Variants in GUCY1A1 observed in about 807,000 individuals in gnomAD.
The protein encoded by GUCY1A1 is guanylate cyclase 1 soluble subunit alpha 1, also known as guanylate cyclase soluble subunit alpha-1.
GUCY1A1 carries 48 observed loss-of-function variants against 64.5 expected under a neutral mutation model. The ratio of observed to expected loss-of-function variants is 0.74; its 90% CI spans 0.59 to 0.95. The LOEUF (loss-of-function observed/expected upper bound fraction) is 0.95. Ranked by LOEUF, GUCY1A1 falls within the 40% of genes least tolerant of loss-of-function variation. GUCY1A1 has a pLI of 0.00. For synonymous variants in GUCY1A1, 308 were observed against 303.4 expected (o/e 1.02, Z -0.16); for missense variants, 804 against 825.3 (o/e 0.97, Z 0.32).
At chr4:155,696,691 T>G (rs1224651046) in intron 2 of GUCY1A1, 65 bp from the exon 3 acceptor site, 3 of 535,354 alleles carry the variant, frequency 5.6e-6, no homozygotes, top group Admixed American at 6.9e-5. Context: ...CTCACCTGTC[T>G]TTTTCTGTTT....
chr4:155,713,598 G>A lies in GUCY1A1; in HGVS notation c.1572+15G>A. ...ATGTCTACAAGGTAGGAGTGGACCA[G>A]GGAAATAATTGTTTTACCAGCAAAC... is the stretch of plus-strand genomic sequence containing the variant. On this transcript the variant is annotated intron_variant, in intron 7 of 9. Coordinates refer to ENST00000506455, the MANE Select transcript of GUCY1A1 (RefSeq NM_001130682.3). 1 of 1,604,414 alleles carries A rather than the reference G, an allele frequency of 6.2e-7. No individual in the cohort carries two copies. Among genetic ancestry groups the A allele is most frequent in the East Asian group, 2.2e-5 (1 of 44,578 alleles).
rs142097871 is a variant in GUCY1A1 at position 155,708,267 on chromosome 4, A to C, written c.349A>C (p.Thr117Pro). Residue 117 changes from threonine (T) to proline (P), a missense_variant, in exon 5 of 10, where the codon ACA becomes CCA. Coordinates refer to ENST00000506455, the MANE Select transcript of GUCY1A1 (RefSeq NM_001130682.3). ...TTTGGAAAGAGAAGACTTTGAAAAA[A>C]CAATTGCAGAGCAAGCAGTTGCAGC... ...KSLEREDFEKTIAEQAVAAGV... is the reference protein window; with the variant it reads ...KSLEREDFEKPIAEQAVAAGV... 6.4e-7 allele frequency: 1 copy of C among 1,556,976 alleles called. No individual in the cohort carries two copies. Among genetic ancestry groups the C allele is most frequent in the Non-Finnish European group, 8.9e-7 (1 of 1,128,832 alleles).
intron 2 of GUCY1A1, among the ~76,000 whole-genome samples, chr4:155,681,761 C>A (rs1477411438): frequency 6.6e-6 from 1 of 152,166 alleles, no homozygotes; most frequent in African/African-American, 2.4e-5. Context: ...ATATATGTAG[C>A]CTCTTGATCT....
intron 5 of GUCY1A1, among the ~76,000 whole-genome samples, chr4:155,709,747 C>A (rs963944437): frequency 4.6e-5 from 7 of 151,980 alleles, no homozygotes; most frequent in African/African-American, 1.7e-4. Flanking sequence ...GCATAAGAAT[C>A]ACCTAAACCT....
intron 2 of GUCY1A1, chr4:155,667,742 G>C (rs1733534005): frequency 6.6e-6 from 1 of 151,354 alleles, no homozygotes; most frequent in South Asian, 2.1e-4. Context: ...GGGGCGCGCC[G>C]GGGCCGCTGG....
At chr4:155,728,543 T>C (rs1735067968) in intron 9 of GUCY1A1, among the ~76,000 whole-genome samples, 1 of 151,916 alleles carries the variant, frequency 6.6e-6, no homozygotes, top group South Asian at 2.1e-4. Context: ...TGTCTTTAGA[T>C]AATATAACTA....
At chr4:155,707,799 A>G (rs1731982365) in intron 4 of GUCY1A1, among the ~76,000 whole-genome samples, 1 of 151,548 alleles carries the variant, frequency 6.6e-6, no homozygotes, top group Non-Finnish European at 1.5e-5. Context: ...TTGCTTCTAC[A>G]GAAAAGGGAA....
rs573395437 is a variant in GUCY1A1, at chr4:155,688,161, G to A, written c.-112-8595G>A. On this transcript the variant is annotated intron_variant, in intron 2 of 9. Transcript: ENST00000506455. The stretch of plus-strand genomic sequence containing the variant: ...GAGAATGGCGTGAACCCGGGAGGTG[G>A]AGCTTGCAGTGAGCCGAGATCGCAC... 5.3e-5 allele frequency among the ~76,000 whole-genome samples: 8 copies of A among 152,046 alleles called. No homozygotes were observed. The South Asian group carries it at 1.5e-3, about 28-fold the overall frequency.
rs1047270089 is a variant in GUCY1A1 at position 155,692,257 on chromosome 4, G to A, written c.-112-4499G>A. On this transcript the variant is annotated intron_variant, in intron 2 of 9. Transcript: ENST00000506455. ...GTGAATAGTGTTCCAACAAACATACGTGTGCATGTGTCTTTATAATAGAAT... is the reference window on the plus strand; with the variant it reads ...GTGAATAGTGTTCCAACAAACATACATGTGCATGTGTCTTTATAATAGAAT... Among the ~76,000 whole-genome samples, 5 of 152,208 alleles carry A rather than the reference G, an allele frequency of 3.3e-5. No homozygotes were observed. In the East Asian group the frequency reaches 5.8e-4, roughly 18 times the overall value.
At chr4:155,727,818 A>G (rs1396292719) in intron 9 of GUCY1A1, among the ~76,000 whole-genome samples, 1 of 151,766 alleles carries the variant, frequency 6.6e-6, no homozygotes, top group Non-Finnish European at 1.5e-5. Context: ...AAATATAAAT[A>G]GAAACTCTTA....
rs923879672 is a variant in GUCY1A1, at chr4:155,733,540, C to T, written c.*3309C>T. 3.3e-5 allele frequency among the ~76,000 whole-genome samples: 5 copies of T among 151,390 alleles called. No homozygotes were observed. Among genetic ancestry groups the T allele is most frequent in the African/African-American group, 1.2e-4 (5 of 41,228 alleles). ...TGTAATATTAATATATAGTAATTAA[C>T]TACACATGACACAGCTTTACATGAC... On this transcript the variant is annotated 3_prime_UTR_variant, in exon 10 of 10. Coordinates refer to ENST00000506455, the MANE Select transcript of GUCY1A1 (RefSeq NM_001130682.3).
At chr4:155,673,685 C>T (rs575564768) in intron 2 of GUCY1A1, among the ~76,000 whole-genome samples, 1 of 151,344 alleles carries the variant, frequency 6.6e-6, no homozygotes, top group Admixed American at 6.6e-5. Flanking sequence ...TGTGGCGGAA[C>T]GGGTAATGCT....
chr4:155,704,692 G>A (rs557624913), intron 4 of GUCY1A1, among the ~76,000 whole-genome samples: 1 of 152,114 alleles, frequency 6.6e-6, no homozygotes, highest in Non-Finnish European at 1.5e-5. Flanking sequence ...CATTTCTGAA[G>A]AGGCTTAATA....
chr4:155,685,894 A>G (rs1417687043), intron 2 of GUCY1A1, among the ~76,000 whole-genome samples: 1 of 152,008 alleles, frequency 6.6e-6, no homozygotes, highest in Non-Finnish European at 1.5e-5. Context: ...TTCCCCTACC[A>G]TTCGGTGAGT....
rs1735797784 is a variant in GUCY1A1, at chr4:155,733,851, C to G, written c.*3620C>G. Among the ~76,000 whole-genome samples the G allele has an allele frequency of 6.6e-6, 1 of 151,580 alleles. No homozygotes were observed. The highest frequency in any genetic ancestry group is 2.0e-4 in the East Asian group (1 of 5,110). On this transcript the variant is annotated 3_prime_UTR_variant, in exon 10 of 10. Coordinates refer to ENST00000506455, the MANE Select transcript of GUCY1A1 (RefSeq NM_001130682.3). ...TGGTTAAGGATAGGGTGGATATTTA[C>G]TTGCACAGGTGACTGAATGAACATC...
chr4:155,668,476 C>A (rs1408602335), intron 2 of GUCY1A1, among the ~76,000 whole-genome samples: 1 of 152,096 alleles, frequency 6.6e-6, no homozygotes, highest in Non-Finnish European at 1.5e-5. Context: ...AGGATCAGTT[C>A]TCCTATGGTA....
intron 2 of GUCY1A1, among the ~76,000 whole-genome samples, chr4:155,687,305 TAGA>T (rs1176128879): frequency 1.3e-5 from 2 of 152,192 alleles, no homozygotes; most frequent in Admixed American, 6.5e-5. Context: ...AGAGCTCTAG[TAGA>T]AGAAGCATCA....
intron 2 of GUCY1A1, among the ~76,000 whole-genome samples, chr4:155,669,242 T>C (rs1733788141): frequency 6.6e-6 from 1 of 152,122 alleles, no homozygotes; most frequent in African/African-American, 2.4e-5. Context: ...CTTATATTTA[T>C]ATTTATAAGG....
chr4:155,708,116 C>T (rs747021685), intron 4 of GUCY1A1, 120 bp from the exon 5 acceptor site: 16 of 562,254 alleles, frequency 2.8e-5, no homozygotes, highest in Middle Eastern at 1.0e-3. Flanking sequence ...GGATTACAGG[C>T]GTGAGCCGCT....
Sources: gnomAD v4.1 joint callset for allele counts (sites outside exome capture counted in the v4.1 genomes callset) on GRCh38, gnomAD v4.1.1 for gene constraint, MANE v1.5 for transcripts, NCBI Gene and HGNC (gene_info 2026-07-23, HGNC 2026-07-21) for gene names.